Variants in UBR4 observed in about 807,000 individuals in gnomAD.
UBR4 encodes the protein E3 ubiquitin-protein ligase UBR4.
Under a neutral mutation model 575.6 loss-of-function variants are expected in UBR4, and 124 were observed. The ratio of observed to expected loss-of-function variants is 0.22; its 90% CI spans 0.19 to 0.25. UBR4 has a LOEUF of 0.25. Among genes scored for constraint, UBR4 ranks in the 10% least tolerant of loss-of-function variants. The pLI is 1.00. For missense variants in UBR4, 4,818 were observed against 6,478.8 expected (o/e 0.74, Z 8.80); for synonymous variants, 2,455 against 2,473.7 (o/e 0.99, Z 0.22).
rs896093969 is a variant in UBR4 at position 19,093,563 on chromosome 1, T to C, written c.13938-77A>G. 2 of 1,490,654 alleles carry C rather than the reference T, an allele frequency of 1.3e-6. No individual in the cohort carries two copies. Among genetic ancestry groups the C allele is most frequent in the African/African-American group, 2.8e-5 (2 of 72,126 alleles). The allele number at this position is 1,490,654 out of a possible 1,614,324, so 92.3% of individuals were successfully genotyped here. On this transcript the variant is annotated intron_variant, in intron 95 of 105. Transcript: ENST00000375254. This position sits in a 1 kb window ranked among gnomAD's most constrained non-coding sequence, Gnocchi z 4.8. Reference sequence around the variant, plus strand: ...TCATGTCACCCTCTTGGTTAACAACTGTCAACAGCCTATAGAAGATCAAGG... The same window carrying C: ...TCATGTCACCCTCTTGGTTAACAACCGTCAACAGCCTATAGAAGATCAAGG...
At chr1:19,095,824 G>T in intron 92 of UBR4, 172 bp from the exon 93 acceptor site, 1 of 580,866 alleles carries the variant, frequency 1.7e-6, no homozygotes, top group Non-Finnish European at 3.1e-6. Context: ...AGATGGCTGG[G>T]CTCTCACATT....
chr1:19,162,818 T>A (rs2087606340), intron 34 of UBR4, among the ~76,000 whole-genome samples: 1 of 152,208 alleles, frequency 6.6e-6, no homozygotes, highest in Non-Finnish European at 1.5e-5. Flanking sequence ...TAACATGTAT[T>A]CATTCATTCT....
At chr1:19,160,030 A>G in intron 39 of UBR4, 81 bp downstream of exon 39, 1 of 1,548,134 alleles carries the variant, frequency 6.5e-7, no homozygotes, top group Non-Finnish European at 8.7e-7. Flanking sequence ...TATACTCCTC[A>G]GAGCATCTAG....
rs2151216575 is a variant in UBR4 at position 19,183,871 on chromosome 1, T to A, written c.2124A>T (p.Ala708=). The change falls in exon 17 of 106, where the codon GCA becomes GCT. Residue 708 remains alanine, a synonymous_variant. Transcript: ENST00000375254. ...LKGSSDEEFA[A]ALYHFNHSLV... is the part of the protein sequence containing the mutation. ...GTGAGTGGTTGAAGTGATAGAGAGCTGCAGCAAACTCTTCATCTGATGAAC... is the reference window on the plus strand; with the variant it reads ...GTGAGTGGTTGAAGTGATAGAGAGCAGCAGCAAACTCTTCATCTGATGAAC... 1 of 1,614,168 alleles carries A rather than the reference T, an allele frequency of 6.2e-7. No individual in the cohort carries two copies. The highest frequency in any genetic ancestry group is 2.2e-5 in the East Asian group (1 of 44,874).
chr1:19,122,888 C>T lies in UBR4; in HGVS notation c.9761G>A (p.Ser3254Asn). The T allele has an allele frequency of 1.2e-6, 2 of 1,614,258 alleles. No individual in the cohort carries two copies. The highest frequency in any genetic ancestry group is 8.5e-7 in the Non-Finnish European group (1 of 1,180,028). ...LEEQGIFLRA[S>N]VVTASSGSAL... ...GGAGCCTGAGCTGGCTGTAACCACA[C>T]TTGCCCGGAGGAATATCCCCTGCTC... Residue 3254 changes from serine to asparagine, a missense_variant, in exon 66 of 106, where the codon AGT becomes AAT. Ser to Asn is a conservative substitution (Grantham distance 46). Coordinates refer to ENST00000375254, the MANE Select transcript of UBR4 (RefSeq NM_020765.3).
intron 1 of UBR4, among the ~76,000 whole-genome samples, chr1:19,207,094 C>A (rs1262695795): frequency 6.6e-6 from 1 of 152,108 alleles, no homozygotes; most frequent in Non-Finnish European, 1.5e-5. Flanking sequence ...AACAGATGGT[C>A]CCCGGTGACA....
chr1:19,093,393 C>G lies in UBR4; in HGVS notation c.14031G>C (p.Gln4677His). 2 of 1,614,250 alleles carry G rather than the reference C, an allele frequency of 1.2e-6. No individual in the cohort carries two copies. The highest frequency in any genetic ancestry group is 1.7e-6 in the Non-Finnish European group (2 of 1,180,042). ...AGIKNNSNGH[Q>H]LKDLILQKGI... ...CCTTCTGGAGAATCAGATCCTTCAG[C>G]TGGTGCCCATTGCTGTTGTTCTTGA... The change falls in exon 96 of 106, where the codon CAG becomes CAC. Residue 4677 changes from glutamine to histidine, a missense_variant. Gln to His is a conservative substitution (Grantham distance 24). Transcript: ENST00000375254. This position sits in a 1 kb window ranked among gnomAD's most constrained non-coding sequence, Gnocchi z 4.8.
At chr1:19,085,908 G>C (rs2076967618) in intron 101 of UBR4, among the ~76,000 whole-genome samples, 1 of 152,132 alleles carries the variant, frequency 6.6e-6, no homozygotes, top group Non-Finnish European at 1.5e-5. Flanking sequence ...TACCCTGGAA[G>C]CTAAGGGTGC....
chr1:19,107,168 G>C (rs1004407605), intron 81 of UBR4, among the ~76,000 whole-genome samples: 1 of 152,166 alleles, frequency 6.6e-6, no homozygotes, highest in Non-Finnish European at 1.5e-5. Flanking sequence ...TCCACATTGA[G>C]CTTAAGGTCA....
intron 81 of UBR4, 64 bp from the exon 82 acceptor site, chr1:19,107,030 A>G: frequency 6.3e-7 from 1 of 1,589,454 alleles, no homozygotes; most frequent in Non-Finnish European, 8.6e-7. Context: ...TAGCCCCAAC[A>G]GCATGGCACT....
chr1:19,127,492 T>G, intron 63 of UBR4, 131 bp downstream of exon 63: 1 of 722,684 alleles, frequency 1.4e-6, no homozygotes, highest in Non-Finnish European at 2.4e-6. Context: ...AGGTGACAGC[T>G]TAGAATCTTA....
chr1:19,192,637 A>AT, intron 9 of UBR4, 97 bp from the exon 10 acceptor site: 1 of 1,288,058 alleles, frequency 7.8e-7, no homozygotes, highest in South Asian at 1.3e-5. Context: ...GAAGAGTTCA[A>AT]TATCCTCTTT....
In UBR4 at chr1:19,180,435, C is replaced by T. The variant is rs995476093; in HGVS notation, c.2185-1215G>A. Among the ~76,000 whole-genome samples, 5 of 151,482 alleles carry T rather than the reference C, an allele frequency of 3.3e-5. No individual in the cohort carries two copies. The South Asian group carries it at 1.0e-3, about 32-fold the overall frequency. ...AACTTCTGGCCTCAGGTGATCTACCCACCTCCCAAGTGCCACGGCGCCCAG... is the reference window on the plus strand; with the variant it reads ...AACTTCTGGCCTCAGGTGATCTACCTACCTCCCAAGTGCCACGGCGCCCAG... On this transcript the variant is annotated intron_variant, in intron 17 of 105. Transcript: ENST00000375254.
chr1:19,171,815 G>A (rs12565185), intron 25 of UBR4, among the ~76,000 whole-genome samples: 40,769 of 151,882 alleles, frequency 0.27, 6,421 homozygotes, highest in East Asian at 0.61. Flanking sequence ...ACTGCACTCC[G>A]GCCTGGGTGA....
chr1:19,187,086 A>G, intron 13 of UBR4, 78 bp downstream of exon 13: 1 of 907,236 alleles, frequency 1.1e-6, no homozygotes, highest in African/African-American at 1.8e-5. Flanking sequence ...TTATATATAT[A>G]TATATATATA....
At position 19,100,592 on chromosome 1, in the gene UBR4, G is replaced by A. The variant is rs569523155; in HGVS notation, c.13024-19C>T. On this transcript the variant is annotated intron_variant, in intron 88 of 105. Coordinates refer to ENST00000375254, the MANE Select transcript of UBR4 (RefSeq NM_020765.3). The surrounding 1 kb of genome is among the most constrained non-coding windows in gnomAD (Gnocchi z 4.2). ...TCTCCTCCTGGAGGACAGACAGAAG[G>A]GTGCATCAGAAGGGATGGCAGAGGT... 1 of 1,613,032 alleles carries A rather than the reference G, an allele frequency of 6.2e-7. No individual in the cohort carries two copies. Among genetic ancestry groups the A allele is most frequent in the Admixed American group, 1.7e-5 (1 of 60,004 alleles).
At chr1:19,194,465 C>G (rs11811857) in intron 8 of UBR4, among the ~76,000 whole-genome samples, 6,019 of 152,180 alleles carry the variant, frequency 0.04, 341 homozygotes, top group African/African-American at 0.13. Flanking sequence ...TCCCACCTGG[C>G]TGAAACACTA....
chr1:19,095,540 C>T lies in UBR4; in HGVS notation c.13626+5G>A, dbSNP rs1054235167. ...TCTTCTTCACCTGCAGTCCATGCTC[C>T]TTACCAGGTTTAGGGTCCCCAGCAT... On this transcript the variant is annotated splice_donor_5th_base_variant and intron_variant, in intron 93 of 105. Transcript: ENST00000375254. The T allele has an allele frequency of 8.7e-6, 14 of 1,613,528 alleles. No homozygotes were observed. Among genetic ancestry groups the T allele is most frequent in the Non-Finnish European group, 1.2e-5 (14 of 1,179,840 alleles).
At chr1:19,122,160 G>A (rs2081250798) in intron 66 of UBR4, 148 bp from the exon 67 acceptor site, 2 of 769,110 alleles carry the variant, frequency 2.6e-6, no homozygotes, top group South Asian at 3.2e-5. Flanking sequence ...TGAGATGTCT[G>A]GTCAACCTGG....
Sources: gnomAD v4.1 joint callset for allele counts (sites outside exome capture counted in the v4.1 genomes callset) on GRCh38, gnomAD v4.1.1 for gene constraint, Gnocchi (gnomAD v3.1) non-coding constraint, MANE v1.5 for transcripts, NCBI Gene and HGNC (gene_info 2026-07-23, HGNC 2026-07-21) for gene names.